Variants in IL1RAPL2 observed in about 807,000 individuals in gnomAD.
The protein encoded by IL1RAPL2 is interleukin 1 receptor accessory protein like 2, also known as X-linked interleukin-1 receptor accessory protein-like 2.
In IL1RAPL2, 3 loss-of-function variants were observed where a neutral mutation model predicts 44.1. The ratio of observed to expected loss-of-function variants is 0.07; its 90% CI spans 0.03 to 0.18. The LOEUF (loss-of-function observed/expected upper bound fraction) is 0.18, where lower values mean the gene tolerates loss of function less well. Ranked by LOEUF, IL1RAPL2 falls within the 10% of genes least tolerant of loss-of-function variation. The pLI is 1.00. For missense variants in IL1RAPL2, 391 were observed against 496.4 expected (o/e 0.79, Z 2.02); for synonymous variants, 181 against 178.8 (o/e 1.01, Z -0.10).
chrX:104,685,972 CTT>C (rs1308592215), intron 2 of IL1RAPL2, among the ~76,000 whole-genome samples: 4 of 109,202 alleles, frequency 3.7e-5, no homozygotes, highest in Non-Finnish European at 7.6e-5. Flanking sequence ...ATAATAAAAA[CTT>C]AAAAAAAAAG....
chrX:105,066,100 T>C (rs770520522), intron 2 of IL1RAPL2, among the ~76,000 whole-genome samples: 19 of 111,211 alleles, frequency 1.7e-4, no homozygotes, highest in Admixed American at 2.9e-4. Flanking sequence ...CTGAACCTCA[T>C]TGGCTCAGAA....
At chrX:104,819,936 G>A (rs1404008995) in intron 2 of IL1RAPL2, among the ~76,000 whole-genome samples, 1 of 111,173 alleles carries the variant, frequency 9.0e-6, no homozygotes, top group Non-Finnish European at 1.9e-5. Flanking sequence ...GTATAAATAT[G>A]AGGGTTTTTT....
At chrX:104,900,656 G>A (rs1400328256) in intron 2 of IL1RAPL2, among the ~76,000 whole-genome samples, 2 of 112,333 alleles carry the variant, frequency 1.8e-5, no homozygotes, top group East Asian at 2.8e-4. Context: ...AAAAGGCTAC[G>A]TGGAGCATTG....
chrX:105,022,891 G>T (rs1301532116), intron 2 of IL1RAPL2, among the ~76,000 whole-genome samples: 1 of 111,076 alleles, frequency 9.0e-6, no homozygotes, highest in Non-Finnish European at 1.9e-5. Flanking sequence ...GATTTCTACA[G>T]TTTAAGATCG....
intron 2 of IL1RAPL2, among the ~76,000 whole-genome samples, chrX:104,945,896 T>C (rs920429167): frequency 9.0e-6 from 1 of 110,894 alleles, no homozygotes; most frequent in African/African-American, 3.3e-5. Flanking sequence ...TTTCTTTTTT[T>C]TTGTTGTTGC....
At chrX:105,042,850 T>A (rs1303395450) in intron 2 of IL1RAPL2, among the ~76,000 whole-genome samples, 2 of 105,240 alleles carry the variant, frequency 1.9e-5, no homozygotes, top group Non-Finnish European at 3.9e-5. Flanking sequence ...AATGATAGAG[T>A]GGATTAAGAA....
At chrX:104,833,880 C>A (rs1921673683) in intron 2 of IL1RAPL2, among the ~76,000 whole-genome samples, 1 of 111,792 alleles carries the variant, frequency 8.9e-6, no homozygotes, top group Non-Finnish European at 1.9e-5. Flanking sequence ...AAATATTTTC[C>A]TCTTTGTTCT....
At chrX:105,659,635 C>T (rs1432927498) in intron 6 of IL1RAPL2, among the ~76,000 whole-genome samples, 10 of 105,203 alleles carry the variant, frequency 9.5e-5, no homozygotes, top group East Asian at 6.0e-4. Flanking sequence ...CCAGCCTGGG[C>T]GACAGAGTGA....
chrX:104,701,742 A>G (rs1392932571), intron 2 of IL1RAPL2, among the ~76,000 whole-genome samples: 1 of 111,953 alleles, frequency 8.9e-6, no homozygotes, highest in Non-Finnish European at 1.9e-5. Flanking sequence ...ATCTTGGTAA[A>G]TGCAGAGGGT....
intron 2 of IL1RAPL2, among the ~76,000 whole-genome samples, chrX:104,842,480 T>C (rs997449032): frequency 9.0e-6 from 1 of 111,705 alleles, no homozygotes; most frequent in African/African-American, 3.3e-5. Flanking sequence ...TTCTCGCTTT[T>C]GGAATTTTCA....
rs1463482466 is a variant in IL1RAPL2 at position 105,525,571 on chromosome X, AAGAT to A, written c.772+41187_772+41190del. ...TAAATACTTCAGCGTTTATGTCTAA[AAGAT>A]AGCAACATTTTCTTTTGTAATCACA... On this transcript the variant is annotated intron_variant, in intron 6 of 10. Transcript: ENST00000372582. Among the ~76,000 whole-genome samples the A allele has an allele frequency of 3.2e-4, 36 of 111,531 alleles. No homozygotes were observed. In the Admixed American group the frequency reaches 3.4e-3, roughly 11 times the overall value.
Position 105,188,763 on chromosome X carries a change from AATC to A in IL1RAPL2, c.83-6709_83-6707del, listed in dbSNP as rs1314557835. 6.2e-5 allele frequency among the ~76,000 whole-genome samples: 7 copies of A among 112,620 alleles called. No individual in the cohort carries two copies. The East Asian group carries it at 1.7e-3, about 27-fold the overall frequency. On this transcript the variant is annotated intron_variant, in intron 2 of 10. Coordinates refer to ENST00000372582, the MANE Select transcript of IL1RAPL2 (RefSeq NM_017416.2). The stretch of plus-strand genomic sequence containing the variant: ...GGTATTTTTAAAAACTTGAGGCAAT[AATC>A]ATTCATTGTATATATAGAGCTGGAG...
At chrX:105,333,548 A>C (rs992881022) in intron 5 of IL1RAPL2, among the ~76,000 whole-genome samples, 1 of 111,740 alleles carries the variant, frequency 8.9e-6, no homozygotes, top group African/African-American at 3.3e-5. Flanking sequence ...TCTGCATGGC[A>C]AAGGAAACAA....
chrX:104,975,274 C>A (rs932675208), intron 2 of IL1RAPL2, among the ~76,000 whole-genome samples: 1 of 111,201 alleles, frequency 9.0e-6, no homozygotes, highest in Non-Finnish European at 1.9e-5. Context: ...AACTAAATGA[C>A]CCTGAAACAG....
At position 105,041,549 on chromosome X, in the gene IL1RAPL2, A is replaced by G. The variant is rs928220986; in HGVS notation, c.83-153926A>G. Among the ~76,000 whole-genome samples the G allele has an allele frequency of 1.6e-3, 182 of 110,322 alleles. 1 individual carries two copies. The highest frequency in any genetic ancestry group is 3.6e-4 in the Non-Finnish European group (19 of 52,870). ...GTGAAGGACCTCTTCAAGGAGAACTACAAACCACTGCTCAACGAAATAAAA... is the reference window on the plus strand; with the variant it reads ...GTGAAGGACCTCTTCAAGGAGAACTGCAAACCACTGCTCAACGAAATAAAA... On this transcript the variant is annotated intron_variant, in intron 2 of 10. Coordinates refer to ENST00000372582, the MANE Select transcript of IL1RAPL2 (RefSeq NM_017416.2).
intron 5 of IL1RAPL2, among the ~76,000 whole-genome samples, chrX:105,468,131 A>T (rs748887221): frequency 1.8e-5 from 2 of 112,036 alleles, no homozygotes; most frequent in Non-Finnish European, 3.8e-5. Flanking sequence ...TAATTTAAGG[A>T]TCTGGGTTCC....
At chrX:105,133,513 C>T (rs997456714) in intron 2 of IL1RAPL2, among the ~76,000 whole-genome samples, 1 of 111,669 alleles carries the variant, frequency 9.0e-6, no homozygotes, top group Non-Finnish European at 1.9e-5. Context: ...CATGCACACA[C>T]CCCAAATGTC....
chrX:105,408,050 T>C (rs1569436435), intron 5 of IL1RAPL2, among the ~76,000 whole-genome samples: 1 of 111,961 alleles, frequency 8.9e-6, no homozygotes, highest in Non-Finnish European at 1.9e-5. Context: ...TGAGTGAATA[T>C]GGTAGAGTTG....
At position 104,967,966 on chromosome X, in the gene IL1RAPL2, A is replaced by T. The variant is rs6652905; in HGVS notation, c.83-227509A>T. On this transcript the variant is annotated intron_variant, in intron 2 of 10. Transcript: ENST00000372582. ...CTGAAACCACAGGAAAATTCAACTA[A>T]ACATTCAAGGAACAGATCATTTCAA... Among the ~76,000 whole-genome samples the T allele has an allele frequency of 3.4e-3, 380 of 111,605 alleles. 1 individual carries two copies. The highest frequency in any genetic ancestry group is 0.011 in the African/African-American group (350 of 30,915).
Sources: gnomAD v4.1 joint callset for allele counts (sites outside exome capture counted in the v4.1 genomes callset) on GRCh38, gnomAD v4.1.1 for gene constraint, MANE v1.5 for transcripts, NCBI Gene and HGNC (gene_info 2026-07-23, HGNC 2026-07-21) for gene names.